FAM178B: variants seen among roughly 807,000 people sequenced by gnomAD.
FAM178B encodes the protein protein FAM178B.
Under a neutral mutation model 91.7 loss-of-function variants are expected in FAM178B, and 82 were observed. That is an observed-to-expected ratio of 0.89 (90% CI 0.75 to 1.07). FAM178B has a LOEUF of 1.07. Among genes scored for constraint, FAM178B ranks in the 50% least tolerant of loss-of-function variants. The pLI is 0.00. For synonymous variants in FAM178B, 368 were observed against 359.4 expected (o/e 1.02, Z -0.27); for missense variants, 769 against 846.7 (o/e 0.91, Z 1.14).
chr2:96,956,120 G>A (rs1284871276), intron 6 of FAM178B, among the ~76,000 whole-genome samples: 8 of 152,236 alleles, frequency 5.3e-5, no homozygotes, highest in Non-Finnish European at 7.3e-5. Flanking sequence ...GAGCAGGGCA[G>A]ACAAACTCCA....
chr2:96,908,057 G>A (rs999361496), intron 12 of FAM178B, among the ~76,000 whole-genome samples: 26 of 152,206 alleles, frequency 1.7e-4, no homozygotes, highest in Admixed American at 1.5e-3. Flanking sequence ...CCACCTGCTC[G>A]GCACTCCTTC....
At chr2:96,928,381 C>T (rs2081482636) in intron 9 of FAM178B, among the ~76,000 whole-genome samples, 1 of 152,164 alleles carries the variant, frequency 6.6e-6, no homozygotes, top group Admixed American at 6.5e-5. Flanking sequence ...CGCCATCCGC[C>T]CACCAGAGCT....
chr2:96,924,072 C>G (rs534539041), intron 9 of FAM178B, among the ~76,000 whole-genome samples: 3 of 152,320 alleles, frequency 2.0e-5, no homozygotes, highest in African/African-American at 7.2e-5. Context: ...TAGGAGGAGG[C>G]TACAGAACTA....
chr2:96,901,346 G>GT (rs1258180640), intron 13 of FAM178B, among the ~76,000 whole-genome samples: 1 of 148,148 alleles, frequency 6.8e-6, no homozygotes, highest in Middle Eastern at 3.4e-3. Context: ...CTAATTTTTT[G>GT]TTTTTTTAGT....
chr2:96,881,550 G>C (rs1000929874), intron 14 of FAM178B, among the ~76,000 whole-genome samples: 1 of 152,022 alleles, frequency 6.6e-6, no homozygotes, highest in Non-Finnish European at 1.5e-5. Context: ...GAGTCTCTTT[G>C]TCTGGAGGAG....
chr2:96,935,796 G>A (rs1490462080), intron 8 of FAM178B, among the ~76,000 whole-genome samples: 1 of 151,384 alleles, frequency 6.6e-6, no homozygotes, highest in East Asian at 1.9e-4. Flanking sequence ...ACCACGCCTG[G>A]ATAATTTTTG....
At chr2:96,967,756 T>C (rs2082162392) in intron 4 of FAM178B, 129 bp from the exon 5 acceptor site, 1 of 633,136 alleles carries the variant, frequency 1.6e-6, no homozygotes, top group East Asian at 2.8e-5. Flanking sequence ...CTGGTCTCCT[T>C]GTGAAGCCGC....
intron 12 of FAM178B, among the ~76,000 whole-genome samples, chr2:96,912,753 G>A (rs148660716): frequency 6.6e-6 from 1 of 152,180 alleles, no homozygotes; most frequent in Non-Finnish European, 1.5e-5. Context: ...CCCAGGCTCC[G>A]GATGCGACCT....
intron 14 of FAM178B, among the ~76,000 whole-genome samples, chr2:96,887,892 G>A (rs1318976981): frequency 1.3e-5 from 2 of 152,228 alleles, no homozygotes; most frequent in African/African-American, 2.4e-5. Context: ...GAGCAGGCCC[G>A]GGTGCTGCCA....
At chr2:96,936,548 C>T (rs13009659) in intron 8 of FAM178B, among the ~76,000 whole-genome samples, 2 of 144,810 alleles carry the variant, frequency 1.4e-5, no homozygotes, top group Non-Finnish European at 3.0e-5. Context: ...TTTGTTCTGT[C>T]CCCCAGGCTG....
At chr2:96,913,378 G>T (rs1244782794) in intron 12 of FAM178B, among the ~76,000 whole-genome samples, 1 of 152,176 alleles carries the variant, frequency 6.6e-6, no homozygotes, top group Admixed American at 6.5e-5. Flanking sequence ...GTTTGGCCGT[G>T]CAGTTTCAAG....
intron 3 of FAM178B, 101 bp downstream of exon 3, chr2:96,971,800 G>T: frequency 1.8e-6 from 2 of 1,142,478 alleles, no homozygotes; most frequent in South Asian, 1.9e-5. Context: ...AGGAAGAGCA[G>T]CTGGGGCGTG....
intron 13 of FAM178B, among the ~76,000 whole-genome samples, chr2:96,900,294 C>T (rs1042287616): frequency 6.6e-6 from 1 of 152,144 alleles, no homozygotes; most frequent in Non-Finnish European, 1.5e-5. Flanking sequence ...CAGAGACCAT[C>T]TATGAAGTAA....
At chr2:96,982,905 GTCTC>G (rs1343126048) in intron 1 of FAM178B, among the ~76,000 whole-genome samples, 1 of 151,012 alleles carries the variant, frequency 6.6e-6, no homozygotes, top group East Asian at 2.0e-4. Flanking sequence ...TAGAGATATA[GTCTC>G]TCTCTGTCAC....
At chr2:96,960,517 A>G in intron 5 of FAM178B, 77 bp from the exon 6 acceptor site, 1 of 1,446,580 alleles carries the variant, frequency 6.9e-7, no homozygotes, top group Non-Finnish European at 9.2e-7. Context: ...AGCCCAGGGA[A>G]GGATAGAGGG....
chr2:96,931,117 G>A (rs569492683), intron 8 of FAM178B, among the ~76,000 whole-genome samples: 1 of 152,302 alleles, frequency 6.6e-6, no homozygotes, highest in Non-Finnish European at 1.5e-5. Context: ...TATCCAGAAG[G>A]CAGATGTTAA....
chr2:96,954,744 CTT>C (rs1281090934), intron 6 of FAM178B, among the ~76,000 whole-genome samples: 1 of 152,234 alleles, frequency 6.6e-6, no homozygotes, highest in African/African-American at 2.4e-5. Context: ...TTTGCTTTCT[CTT>C]TCTTTGTTTA....
chr2:96,981,418 G>C (rs151134925), intron 1 of FAM178B, among the ~76,000 whole-genome samples: 30 of 152,292 alleles, frequency 2.0e-4, no homozygotes, highest in African/African-American at 6.5e-4. Context: ...TTTCGATAAA[G>C]AAAAGTCCTT....
chr2:96,924,185 T>G (rs889824563), intron 9 of FAM178B, among the ~76,000 whole-genome samples: 1 of 152,162 alleles, frequency 6.6e-6, no homozygotes, highest in Non-Finnish European at 1.5e-5. Context: ...TTTCCAGGAC[T>G]TGGAAACCAG....
Sources: gnomAD v4.1 joint callset for allele counts (sites outside exome capture counted in the v4.1 genomes callset) on GRCh38, gnomAD v4.1.1 for gene constraint, MANE v1.5 for transcripts, NCBI Gene and HGNC (gene_info 2026-07-23, HGNC 2026-07-21) for gene names.